EFCAB11: variants seen among roughly 807,000 people sequenced by gnomAD.
The protein encoded by EFCAB11 is EF-hand calcium binding domain 11, also known as EF-hand calcium-binding domain-containing protein 11.
A neutral mutation model predicts 23.0 loss-of-function variants in EFCAB11; 14 were observed. The observed-to-expected ratio is 0.61, with a 90% CI of 0.40 to 0.95. EFCAB11 has a LOEUF of 0.95. Among genes scored for constraint, EFCAB11 ranks in the 40% least tolerant of loss-of-function variants. The pLI is 0.00. For missense variants in EFCAB11, 198 were observed against 195.8 expected, an observed-to-expected ratio of 1.01 and a Z score of -0.07; for synonymous variants, 65 against 66.6, an observed-to-expected ratio of 0.98 and a Z score of 0.11.
At chr14:89,822,391 A>C (rs2140103270) in intron 5 of EFCAB11, among the ~76,000 whole-genome samples, 1 of 152,328 alleles carries the variant, frequency 6.6e-6, no homozygotes, top group East Asian at 1.9e-4. Context: ...GGTATTTAGA[A>C]ACATGGTGAT....
At chr14:89,897,206 C>CT (rs1889195960) in intron 5 of EFCAB11, among the ~76,000 whole-genome samples, 1 of 143,350 alleles carries the variant, frequency 7.0e-6, no homozygotes. Context: ...TGTATATGTG[C>CT]ATTTTTTTTT....
At position 89,920,977 on chromosome 14, in the gene EFCAB11, A is replaced by C. The variant is rs1890004192; in HGVS notation, c.410+10564T>G. Among the ~76,000 whole-genome samples, 3 of 151,908 alleles carry C rather than the reference A, an allele frequency of 2.0e-5. No homozygotes were observed. The South Asian group carries it at 6.2e-4, about 32-fold the overall frequency. On this transcript the variant is annotated intron_variant, in intron 5 of 5. Transcript: ENST00000316738. ...CTACTTGGGAGGCTGAGGCAGGAGA[A>C]TCACTTGAACCTGGGAGGCAGAGGT...
chr14:89,918,717 TACAG>T (rs1343973405), intron 5 of EFCAB11, among the ~76,000 whole-genome samples: 3 of 151,782 alleles, frequency 2.0e-5, no homozygotes, highest in Non-Finnish European at 4.4e-5. Flanking sequence ...AATACATCCT[TACAG>T]AGAGAGCAAG....
chr14:89,837,782 T>C (rs1486584697), intron 5 of EFCAB11, among the ~76,000 whole-genome samples: 1 of 152,022 alleles, frequency 6.6e-6, no homozygotes, highest in Admixed American at 6.6e-5. Context: ...CTGAGGTTTC[T>C]ACATCTGCAA....
chr14:89,798,489 C>T (rs1885651389), intron 5 of EFCAB11, among the ~76,000 whole-genome samples: 1 of 152,200 alleles, frequency 6.6e-6, no homozygotes, highest in Non-Finnish European at 1.5e-5. Context: ...TATAAATCAT[C>T]CCTTTTATTA....
At chr14:89,842,637 G>A (rs7151736) in intron 5 of EFCAB11, among the ~76,000 whole-genome samples, 14,176 of 48,842 alleles carry the variant, frequency 0.29, 725 homozygotes, top group Non-Finnish European at 0.38. Flanking sequence ...GATATGATAT[G>A]ATATAATATA....
At chr14:89,841,793 G>A (rs921488802) in intron 5 of EFCAB11, among the ~76,000 whole-genome samples, 2 of 152,080 alleles carry the variant, frequency 1.3e-5, no homozygotes, top group East Asian at 1.9e-4. Context: ...CTCTTAGGCA[G>A]TCTTCTCTTC....
At chr14:89,895,911 T>C (rs1889137041) in intron 5 of EFCAB11, among the ~76,000 whole-genome samples, 1 of 152,088 alleles carries the variant, frequency 6.6e-6, no homozygotes. Flanking sequence ...TGAGAACACA[T>C]ATAAAGAACA....
At position 89,797,140 on chromosome 14, in the gene EFCAB11, T is replaced by A; in HGVS notation, c.*103A>T. On this transcript the variant is annotated 3_prime_UTR_variant, in exon 6 of 6. Transcript: ENST00000316738. ...CCCACAAAAATTAAAAATTTTTAAA[T>A]GTTTAATCACAAGTCTGTAGCATGA... 8.9e-7 allele frequency: 1 copy of A among 1,120,908 alleles called. No homozygotes were observed. Among genetic ancestry groups the A allele is most frequent in the South Asian group, 1.5e-5 (1 of 64,820 alleles). 69.4% of individuals were successfully genotyped at this position (1,120,908 alleles called of 1,614,324 possible).
chr14:89,840,852 ATAT>A (rs1210317314), intron 5 of EFCAB11, among the ~76,000 whole-genome samples: 1 of 152,248 alleles, frequency 6.6e-6, no homozygotes, highest in Non-Finnish European at 1.5e-5. Flanking sequence ...GTTAAAAAGA[ATAT>A]TATTGTTGAG....
intron 5 of EFCAB11, among the ~76,000 whole-genome samples, chr14:89,819,373 G>A (rs8019372): frequency 0.28 from 41,796 of 151,730 alleles, 6,696 homozygotes; most frequent in East Asian, 0.57. Flanking sequence ...AGGTGGGAAG[G>A]GGTAGGAGGG....
intron 5 of EFCAB11, among the ~76,000 whole-genome samples, chr14:89,828,221 T>C (rs1430451279): frequency 1.3e-5 from 2 of 152,138 alleles, no homozygotes; most frequent in Non-Finnish European, 2.9e-5. Context: ...CTGTTAACTG[T>C]ACCCTAAAAG....
chr14:89,925,355 T>C lies in EFCAB11; in HGVS notation c.410+6186A>G, dbSNP rs376597641. On this transcript the variant is annotated intron_variant, in intron 5 of 5. Coordinates refer to ENST00000316738, the MANE Select transcript of EFCAB11 (RefSeq NM_145231.4). ...ACCCCTTAGAGTCACTGAAGATTTC[T>C]GAACATGAAAAACAAAAGATAGCAC... Among the ~76,000 whole-genome samples, 13 of 152,348 alleles carry C rather than the reference T, an allele frequency of 8.5e-5. No individual in the cohort carries two copies. The South Asian group carries it at 2.5e-3, about 29-fold the overall frequency.
chr14:89,954,642 T>C lies in EFCAB11; in HGVS notation c.19A>G (p.Arg7Gly). 6.8e-6 allele frequency: 11 copies of C among 1,613,050 alleles called. No individual in the cohort carries two copies. The highest frequency in any genetic ancestry group is 9.3e-6 in the Non-Finnish European group (11 of 1,179,886). ...GCTTCCCACGTCCGCGACCTGGCTCTGGCCTCGGAGAAGAACATCGCGACT... is the reference window on the plus strand; with the variant it reads ...GCTTCCCACGTCCGCGACCTGGCTCCGGCCTCGGAGAAGAACATCGCGACT... Reference protein sequence around the residue: MFFSEARARSRTWEASP... With the variant: MFFSEAGARSRTWEASP... Residue 7 changes from arginine to glycine, a missense_variant, in exon 1 of 6, where the codon AGA becomes GGA. Physicochemically the swap from Arg to Gly is moderately radical, Grantham distance 125. Coordinates refer to ENST00000316738, the MANE Select transcript of EFCAB11 (RefSeq NM_145231.4).
chr14:89,919,888 G>A (rs1889969170), intron 5 of EFCAB11, among the ~76,000 whole-genome samples: 1 of 152,114 alleles, frequency 6.6e-6, no homozygotes, highest in African/African-American at 2.4e-5. Flanking sequence ...GAGAAGAAGA[G>A]CAGATAATGT....
intron 5 of EFCAB11, among the ~76,000 whole-genome samples, chr14:89,814,010 C>T (rs1053553031): frequency 6.6e-6 from 1 of 151,664 alleles, no homozygotes; most frequent in Non-Finnish European, 1.5e-5. Flanking sequence ...TCGTTTGACA[C>T]TCTTTAGTAA....
intron 5 of EFCAB11, among the ~76,000 whole-genome samples, chr14:89,860,523 A>T (rs2140149901): frequency 6.6e-6 from 1 of 152,334 alleles, no homozygotes; most frequent in Middle Eastern, 3.4e-3. Flanking sequence ...TAATCAACCA[A>T]GAAAAAGTAA....
chr14:89,901,901 T>G (rs1178696185), intron 5 of EFCAB11, among the ~76,000 whole-genome samples: 2 of 152,134 alleles, frequency 1.3e-5, no homozygotes, highest in Non-Finnish European at 2.9e-5. Context: ...GATTTCAAAT[T>G]TTCAGATTGG....
At chr14:89,882,756 G>A (rs1296757357) in intron 5 of EFCAB11, among the ~76,000 whole-genome samples, 1 of 152,154 alleles carries the variant, frequency 6.6e-6, no homozygotes. Context: ...AAAGAAGGCA[G>A]AGCTAAAAAG....
Sources: allele counts gnomAD v4.1 joint callset (sites outside exome capture counted in the v4.1 genomes callset), GRCh38; gene constraint gnomAD v4.1.1; transcripts MANE v1.5; gene names NCBI Gene and HGNC (gene_info 2026-07-23, HGNC 2026-07-21).